The following PVT1 variants were observed in gnomAD, a reference collection of about 807,000 sequenced individuals.
PVT1 encodes the protein Pvt1 oncogene, also known as CXCR4/PVT1 fusion.
chr8:128,040,047 T>A (rs1483458987), intron 4 of PVT1, among the ~76,000 whole-genome samples: 1 of 152,076 alleles, frequency 6.6e-6, no homozygotes, highest in East Asian at 1.9e-4. Context: ...GAGGTGGAAT[T>A]GTTATGTTAG....
At chr8:127,855,942 A>G (rs1162842399) in intron 2 of PVT1, among the ~76,000 whole-genome samples, 1 of 152,116 alleles carries the variant, frequency 6.6e-6, no homozygotes, top group East Asian at 1.9e-4. Context: ...CCTTCTCCAT[A>G]ATCTCGCCCC....
intron 2 of PVT1, among the ~76,000 whole-genome samples, chr8:127,822,556 G>T (rs552936135): frequency 6.6e-6 from 1 of 152,290 alleles, no homozygotes; most frequent in South Asian, 2.1e-4. Flanking sequence ...CAGCCTGGGC[G>T]ACAGAGCAGG....
rs111442262 is a variant in PVT1, at chr8:127,832,654, A to C, written n.372+36583A>C. Among the ~76,000 whole-genome samples the C allele has an allele frequency of 5.7e-3, 870 of 152,192 alleles. 1 individual carries two copies. Among genetic ancestry groups the C allele is most frequent in the African/African-American group, 7.3e-3 (304 of 41,546 alleles). On this transcript the variant is annotated intron_variant and non_coding_transcript_variant, in intron 2 of 10. Coordinates refer to ENST00000651587, the Ensembl canonical transcript of PVT1. ...CGGGCGGATCACGAGGTCAGGAGATAGAGACCATCCTGGCTAACATGGTGA... is the reference window on the plus strand; with the variant it reads ...CGGGCGGATCACGAGGTCAGGAGATCGAGACCATCCTGGCTAACATGGTGA...
intron 4 of PVT1, among the ~76,000 whole-genome samples, chr8:127,991,751 G>A (rs1817044133): frequency 1.3e-5 from 2 of 152,188 alleles, no homozygotes; most frequent in Middle Eastern, 3.2e-3. Context: ...ATGGCCTCAG[G>A]CAGTCTGTTC....
exon 1 of PVT1, chr8:127,794,548 G>C (rs2130179694): frequency 6.6e-6 from 1 of 151,730 alleles, no homozygotes; most frequent in African/African-American, 2.4e-5. Context: ...GGCAGAGCGC[G>C]TGTGGCGGCC....
At chr8:128,074,479 T>G (rs574356531) in intron 5 of PVT1, among the ~76,000 whole-genome samples, 1 of 144,928 alleles carries the variant, frequency 6.9e-6, no homozygotes, top group African/African-American at 2.6e-5. Flanking sequence ...GCCGAGATCA[T>G]GCCACAGCAC....
intron 4 of PVT1, among the ~76,000 whole-genome samples, chr8:128,059,288 G>C (rs1299337976): frequency 3.3e-5 from 5 of 152,106 alleles, no homozygotes; most frequent in Admixed American, 3.3e-4. Flanking sequence ...TGAATGCTCA[G>C]CCATTGTTGC....
At position 127,880,807 on chromosome 8, in the gene PVT1, G is replaced by C. The variant is rs1304831761; in HGVS notation, n.373-9782G>C. Among the ~76,000 whole-genome samples the C allele has an allele frequency of 2.0e-5, 3 of 151,972 alleles. No individual in the cohort carries two copies. In the East Asian group the frequency reaches 5.8e-4, roughly 29 times the overall value. ...GTAGAGACGGGGTTTTGCCATGCTG[G>C]CCAGGCTGGTCTTGAACTCCTGACC... On this transcript the variant is annotated intron_variant and non_coding_transcript_variant, in intron 2 of 10. Transcript: ENST00000651587.
chr8:127,927,184 G>A (rs186949409), intron 3 of PVT1, among the ~76,000 whole-genome samples: 87 of 152,294 alleles, frequency 5.7e-4, no homozygotes, highest in Non-Finnish European at 1.1e-3. Flanking sequence ...GGGACTATTC[G>A]TCTCTACTCC....
intron 2 of PVT1, among the ~76,000 whole-genome samples, chr8:127,864,441 C>T (rs1201899350): frequency 6.6e-6 from 1 of 152,182 alleles, no homozygotes; most frequent in Admixed American, 6.5e-5. Flanking sequence ...TGCTCCTGGC[C>T]CTTGGCAAGC....
At chr8:128,043,990 T>A (rs35968042) in intron 4 of PVT1, among the ~76,000 whole-genome samples, 4 of 142,802 alleles carry the variant, frequency 2.8e-5, no homozygotes, top group African/African-American at 1.1e-4. Flanking sequence ...TCACACCCGG[T>A]TAATTTTTTT....
rs1380430361 is a variant in PVT1, at chr8:127,813,613, A to G, written n.372+17542A>G. Among the ~76,000 whole-genome samples the G allele has an allele frequency of 4.6e-5, 7 of 152,306 alleles. No homozygotes were observed. The East Asian group carries it at 1.3e-3, about 29-fold the overall frequency. On this transcript the variant is annotated intron_variant and non_coding_transcript_variant, in intron 2 of 10. Transcript: ENST00000651587. ...GGCTTGAACCTCAGCCCTGCTGCCA[A>G]GTAGCTGTGTGAGCTTCAGAGCCTG... is the stretch of plus-strand genomic sequence containing the variant.
At chr8:128,097,671 T>G (rs1410112754) in intron 6 of PVT1, among the ~76,000 whole-genome samples, 1 of 152,142 alleles carries the variant, frequency 6.6e-6, no homozygotes, top group African/African-American at 2.4e-5. Context: ...TTATCATTCC[T>G]TGTAAACATG....
intron 4 of PVT1, among the ~76,000 whole-genome samples, chr8:128,020,099 T>A (rs538741861): frequency 6.6e-6 from 1 of 152,324 alleles, no homozygotes; most frequent in Admixed American, 6.5e-5. Context: ...CCAGGCCTCC[T>A]TCTGTGGCAG....
intron 4 of PVT1, among the ~76,000 whole-genome samples, chr8:127,994,668 G>A (rs79212452): frequency 0.019 from 2,925 of 152,256 alleles, 41 homozygotes; most frequent in South Asian, 0.035. Context: ...GGACCCAGAG[G>A]GGTCCTGTGA....
At position 127,815,823 on chromosome 8, in the gene PVT1, C is replaced by A. The variant is rs562942388; in HGVS notation, n.372+19752C>A. Among the ~76,000 whole-genome samples the A allele has an allele frequency of 2.0e-5, 3 of 152,238 alleles. No homozygotes were observed. The East Asian group carries it at 5.8e-4, about 29-fold the overall frequency. ...TGAAGACCATTATACACTATTAATA[C>A]CTACAAAATTATAGATGTAAGGCTG... On this transcript the variant is annotated intron_variant and non_coding_transcript_variant, in intron 2 of 10. Transcript: ENST00000651587.
intron 3 of PVT1, among the ~76,000 whole-genome samples, chr8:127,909,724 G>A (rs1429556949): frequency 1.3e-5 from 2 of 152,116 alleles, no homozygotes; most frequent in Non-Finnish European, 2.9e-5. Flanking sequence ...AGGGTGTAGG[G>A]GTCCCCAGAA....
intron 2 of PVT1, among the ~76,000 whole-genome samples, chr8:127,853,292 G>T (rs1815125071): frequency 6.6e-6 from 1 of 152,168 alleles, no homozygotes; most frequent in Admixed American, 6.5e-5. Context: ...GATTTTGAGA[G>T]AAGAAATGGA....
chr8:127,971,822 C>T (rs113048743), intron 3 of PVT1, among the ~76,000 whole-genome samples: 1,637 of 152,188 alleles, frequency 0.011, 9 homozygotes, highest in Non-Finnish European at 0.015. Flanking sequence ...GGGACAGAAA[C>T]GGGCTGTTAT....
Sources: allele counts gnomAD v4.1 joint callset (sites outside exome capture counted in the v4.1 genomes callset), GRCh38; gene constraint gnomAD v4.1.1; transcripts MANE v1.5; gene names NCBI Gene and HGNC (gene_info 2026-07-23, HGNC 2026-07-21).